Variants in PRKCZ observed in about 807,000 individuals in gnomAD.
PRKCZ encodes protein kinase C zeta.
In PRKCZ, 33 loss-of-function variants were observed where a neutral mutation model predicts 79.5. That is an observed-to-expected ratio of 0.41 (90% CI 0.31 to 0.55). The LOEUF is 0.55. PRKCZ is among the 20% of genes least tolerant of loss of function. PRKCZ has a pLI of 0.19. For missense variants in PRKCZ, 578 were observed against 813.5 expected (o/e 0.71, Z 3.52); for synonymous variants, 342 against 320.9 (o/e 1.07, Z -0.70).
At chr1:2,175,622 G>T (rs262639) in intron 16 of PRKCZ, among the ~76,000 whole-genome samples, 35,285 of 149,576 alleles carry the variant, frequency 0.24, 4,766 homozygotes, top group Admixed American at 0.33. Flanking sequence ...TGTGTGGGCC[G>T]GGTGGGCTGT....
intron 4 of PRKCZ, among the ~76,000 whole-genome samples, chr1:2,090,790 T>A (rs1665363809): frequency 6.6e-6 from 1 of 152,236 alleles, no homozygotes; most frequent in African/African-American, 2.4e-5. Flanking sequence ...CCATGGATCC[T>A]GGTTGTGGGT....
Position 2,178,191 on chromosome 1 carries a change from G to A in PRKCZ, c.1575+2878G>A, listed in dbSNP as rs186125847. Among the ~76,000 whole-genome samples, 5 of 152,204 alleles carry A rather than the reference G, an allele frequency of 3.3e-5. No homozygotes were observed. The highest frequency in any genetic ancestry group is 4.8e-5 in the African/African-American group (2 of 41,526). On this transcript the variant is annotated intron_variant, in intron 16 of 17. Coordinates refer to ENST00000378567, the MANE Select transcript of PRKCZ (RefSeq NM_002744.6). This position sits in a 1 kb window ranked among gnomAD's most constrained non-coding sequence, Gnocchi z 4.3. ...ATCACCCTGTACCCAGAGAAGACCC[G>A]AACCCACTCCAGCCTCTCCCCACAC...
At chr1:2,070,954 CAG>C (rs1661523975) in intron 4 of PRKCZ, among the ~76,000 whole-genome samples, 1 of 151,926 alleles carries the variant, frequency 6.6e-6, no homozygotes, top group South Asian at 2.1e-4. Context: ...TAGCCTAGGG[CAG>C]AGAGGGGTCC....
chr1:2,070,674 A>G (rs1661491463), intron 4 of PRKCZ, among the ~76,000 whole-genome samples: 1 of 148,894 alleles, frequency 6.7e-6, no homozygotes, highest in Admixed American at 6.7e-5. Context: ...GGCTGCAGCC[A>G]TGTGGGTGGA....
chr1:2,151,110 A>C, intron 9 of PRKCZ, 132 bp downstream of exon 9: 1 of 1,124,378 alleles, frequency 8.9e-7, no homozygotes, highest in Non-Finnish European at 1.2e-6. Context: ...CAAAATCAAT[A>C]GTCATGCATC....
rs149800013 is a variant in PRKCZ, at chr1:2,172,253, C to T, written c.1198-48C>T. 1,511 of 1,613,418 alleles carry T rather than the reference C, an allele frequency of 9.4e-4. 16 individuals are homozygous for T. The highest frequency in any genetic ancestry group is 8.2e-3 in the Middle Eastern group (50 of 6,062). On this transcript the variant is annotated intron_variant, in intron 12 of 17. Coordinates refer to ENST00000378567, the MANE Select transcript of PRKCZ (RefSeq NM_002744.6). The surrounding 1 kb of genome is among the most constrained non-coding windows in gnomAD (Gnocchi z 7.8). ...TGTGCGTCTCGGGGCGCCTGTCCCG[C>T]GGGGTAGTGTCTACAAGAACCCTCT...
rs555023355 is a variant in PRKCZ at position 2,059,880 on chromosome 1, G to A, written c.334+289G>A. Among the ~76,000 whole-genome samples the A allele has an allele frequency of 1.6e-4, 24 of 152,314 alleles. No individual in the cohort carries two copies. The South Asian group carries it at 5.0e-3, about 32-fold the overall frequency. Reference sequence around the variant, plus strand: ...GGAGGGAGGGGCCAGGTGGGAGGCTGGACACTGCTCCTTTGTGGCTGCCTC... The same window carrying A: ...GGAGGGAGGGGCCAGGTGGGAGGCTAGACACTGCTCCTTTGTGGCTGCCTC... On this transcript the variant is annotated intron_variant, in intron 4 of 17. Coordinates refer to ENST00000378567, the MANE Select transcript of PRKCZ (RefSeq NM_002744.6).
chr1:2,076,264 C>G (rs1204681686), intron 4 of PRKCZ, among the ~76,000 whole-genome samples: 2 of 152,294 alleles, frequency 1.3e-5, no homozygotes, highest in African/African-American at 4.8e-5. Context: ...CGCCCACTCA[C>G]TCCCTGGCCA....
At chr1:2,049,090 C>CA (rs1659450932), upstream of PRKCZ, 1 of 152,232 alleles carries the variant, frequency 6.6e-6, no homozygotes, top group Non-Finnish European at 1.5e-5. Context: ...GGTTTGAACC[C>CA]AGGAGGCAGA....
intron 7 of PRKCZ, among the ~76,000 whole-genome samples, chr1:2,148,207 C>T (rs967174098): frequency 7.3e-5 from 11 of 151,332 alleles, no homozygotes; most frequent in African/African-American, 2.4e-4. Flanking sequence ...TCCATCTTTC[C>T]GTCTGTTGTC....
At chr1:2,071,074 A>G (rs1028379032) in intron 4 of PRKCZ, among the ~76,000 whole-genome samples, 3 of 86,864 alleles carry the variant, frequency 3.5e-5, no homozygotes, top group African/African-American at 1.0e-4. Context: ...GACCTGGGCA[A>G]TGCGGGGGCC....
intron 4 of PRKCZ, among the ~76,000 whole-genome samples, chr1:2,067,642 G>T (rs1661231557): frequency 6.6e-6 from 1 of 152,170 alleles, no homozygotes; most frequent in Non-Finnish European, 1.5e-5. Flanking sequence ...GGTGGCACGG[G>T]GGTCCGCATG....
Position 2,054,030 on chromosome 1 carries a change from G to C in PRKCZ, c.72-1411G>C, listed in dbSNP as rs1659929605. 2.0e-5 allele frequency among the ~76,000 whole-genome samples: 3 copies of C among 152,208 alleles called. No homozygotes were observed. In the South Asian group the frequency reaches 6.2e-4, roughly 32 times the overall value. ...AGGGTGACTGGGTGAGGCCTGTGGG[G>C]CAGGTGGGCCCTGGGCTGCTGTGTC... On this transcript the variant is annotated intron_variant, in intron 1 of 17. Transcript: ENST00000378567.
chr1:2,181,182 G>A (rs1212438324), intron 16 of PRKCZ, among the ~76,000 whole-genome samples: 1 of 150,098 alleles, frequency 6.7e-6, no homozygotes, highest in Non-Finnish European at 1.5e-5. Flanking sequence ...CTCCCCCTCA[G>A]CCCCTTCACT....
chr1:2,094,428 T>C lies in PRKCZ; in HGVS notation c.334+34837T>C, dbSNP rs1293258406. Among the ~76,000 whole-genome samples, 7 of 151,012 alleles carry C rather than the reference T, an allele frequency of 4.6e-5. No individual in the cohort carries two copies. Among genetic ancestry groups the C allele is most frequent in the South Asian group, 4.2e-4 (2 of 4,788 alleles). On this transcript the variant is annotated intron_variant, in intron 4 of 17. Transcript: ENST00000378567. This position sits in a 1 kb window ranked among gnomAD's most constrained non-coding sequence, Gnocchi z 7.3. ...GCCCGGCTCGTTGAACCTTGGGCGC[T>C]GCCCGTTCTGAGGCACCCGCTGTGC... is the stretch of plus-strand genomic sequence containing the variant.
At chr1:2,083,006 TCTC>T (rs1237754941) in intron 4 of PRKCZ, among the ~76,000 whole-genome samples, 1 of 152,130 alleles carries the variant, frequency 6.6e-6, no homozygotes, top group East Asian at 1.9e-4. Context: ...CCGTCCTCCC[TCTC>T]CTCATGTCCT....
intron 4 of PRKCZ, among the ~76,000 whole-genome samples, chr1:2,070,147 G>A (rs970205935): frequency 6.6e-6 from 1 of 152,222 alleles, no homozygotes; most frequent in African/African-American, 2.4e-5. Context: ...ATCAGAGCCA[G>A]TGCTGGCTGC....
intron 4 of PRKCZ, among the ~76,000 whole-genome samples, chr1:2,072,260 G>A (rs1465866251): frequency 2.0e-5 from 3 of 152,248 alleles, no homozygotes; most frequent in Admixed American, 6.5e-5. Context: ...GCTCTGGCCC[G>A]GAGTCCACTC....
chr1:2,066,671 C>T (rs1661149944), intron 4 of PRKCZ, among the ~76,000 whole-genome samples: 2 of 151,866 alleles, frequency 1.3e-5, no homozygotes, highest in Non-Finnish European at 1.5e-5. Context: ...TCCCATCCTT[C>T]TGCCAGCTTT....
Sources: allele counts gnomAD v4.1 joint callset (sites outside exome capture counted in the v4.1 genomes callset), GRCh38; gene constraint gnomAD v4.1.1; non-coding constraint Gnocchi (gnomAD v3.1); transcripts MANE v1.5; gene names NCBI Gene and HGNC (gene_info 2026-07-23, HGNC 2026-07-21).